MTX2: variants seen among roughly 807,000 people sequenced by gnomAD.
MTX2 encodes metaxin 2.
MTX2 carries 35 observed loss-of-function variants against 42.3 expected under a neutral mutation model. The observed-to-expected ratio is 0.83, with a 90% confidence interval of 0.63 to 1.10. The LOEUF is 1.10. MTX2 is among the 50% of genes least tolerant of loss of function. The pLI is 0.00. For synonymous variants in MTX2, 119 were observed against 100.9 expected, an observed-to-expected ratio of 1.18 and a Z score of -1.08; for missense variants, 307 against 304.1, an observed-to-expected ratio of 1.01 and a Z score of -0.07.
chr2:176,278,904 AAC>A (rs1693013558), intron 1 of MTX2, among the ~76,000 whole-genome samples: 1 of 152,126 alleles, frequency 6.6e-6, no homozygotes, highest in Non-Finnish European at 1.5e-5. Context: ...TCTATTCTTG[AAC>A]ACTTTTCTTA....
intron 1 of MTX2, among the ~76,000 whole-genome samples, chr2:176,295,779 T>G (rs1683857174): frequency 6.6e-6 from 1 of 152,128 alleles, no homozygotes; most frequent in Non-Finnish European, 1.5e-5. Context: ...ATGATCAGTC[T>G]TAAGAAAAAA....
At chr2:176,274,738 C>A (rs1558921972) in intron 1 of MTX2, among the ~76,000 whole-genome samples, 1 of 152,060 alleles carries the variant, frequency 6.6e-6, no homozygotes, top group Non-Finnish European at 1.5e-5. Flanking sequence ...GACTTAGACC[C>A]TTTTTTAAAG....
At chr2:176,287,458 G>A (rs1558927205) in intron 1 of MTX2, among the ~76,000 whole-genome samples, 1 of 152,092 alleles carries the variant, frequency 6.6e-6, no homozygotes, top group Non-Finnish European at 1.5e-5. Context: ...GAAGTGTTTT[G>A]GATGTTTGAT....
At chr2:176,270,082 G>A in intron 1 of MTX2, 1 of 325,890 alleles carries the variant, frequency 3.1e-6, no homozygotes, top group Admixed American at 4.6e-5. Context: ...TCACTAATCA[G>A]TTGTTACCTA....
At chr2:176,318,843 G>A (rs1684507600) in intron 3 of MTX2, among the ~76,000 whole-genome samples, 2 of 152,190 alleles carry the variant, frequency 1.3e-5, no homozygotes, top group Non-Finnish European at 2.9e-5. Flanking sequence ...GAAGATGGAA[G>A]TGTTCTAAAT....
At chr2:176,299,753 C>A (rs1039310869) in intron 3 of MTX2, among the ~76,000 whole-genome samples, 1 of 151,926 alleles carries the variant, frequency 6.6e-6, no homozygotes, top group African/African-American at 2.4e-5. Context: ...CAGTTAAAGG[C>A]CTACATTTGA....
At chr2:176,300,063 G>T (rs963775376) in intron 3 of MTX2, among the ~76,000 whole-genome samples, 1 of 151,732 alleles carries the variant, frequency 6.6e-6, no homozygotes, top group East Asian at 1.9e-4. Context: ...TGAAGTATTA[G>T]TATAGCATGT....
At chr2:176,291,337 TAAC>T (rs1248859849) in intron 1 of MTX2, among the ~76,000 whole-genome samples, 1 of 152,162 alleles carries the variant, frequency 6.6e-6, no homozygotes, top group East Asian at 1.9e-4. Context: ...TACAGAGTAA[TAAC>T]AACAATGATG....
intron 8 of MTX2, among the ~76,000 whole-genome samples, chr2:176,329,939 G>T (rs1193810326): frequency 6.7e-6 from 1 of 150,248 alleles, no homozygotes; most frequent in Non-Finnish European, 1.5e-5. Context: ...CTATATTTTT[G>T]CTACTAAAGT....
intron 9 of MTX2, among the ~76,000 whole-genome samples, chr2:176,334,299 C>G (rs1575064919): frequency 6.6e-6 from 1 of 151,682 alleles, no homozygotes; most frequent in Admixed American, 6.6e-5. Flanking sequence ...TTTTTAGGCT[C>G]TAGTACAAGA....
chr2:176,337,216 A>G (rs1305762461), intron 9 of MTX2, among the ~76,000 whole-genome samples: 1 of 152,090 alleles, frequency 6.6e-6, no homozygotes, highest in East Asian at 1.9e-4. Flanking sequence ...TAATTTTTGT[A>G]TTTTTTGTAG....
intron 3 of MTX2, among the ~76,000 whole-genome samples, chr2:176,309,506 A>T (rs188549929): frequency 6.6e-6 from 1 of 152,096 alleles, no homozygotes; most frequent in East Asian, 1.9e-4. Flanking sequence ...AAAGTATCCC[A>T]TTATTATTGT....
At chr2:176,334,071 T>C (rs984518237) in intron 9 of MTX2, among the ~76,000 whole-genome samples, 2 of 151,842 alleles carry the variant, frequency 1.3e-5, no homozygotes, top group Non-Finnish European at 3.0e-5. Context: ...GCTGTCTTTA[T>C]GTAAAATCAG....
chr2:176,332,622 A>G (rs772883669), intron 9 of MTX2, among the ~76,000 whole-genome samples: 1 of 151,382 alleles, frequency 6.6e-6, no homozygotes, highest in Non-Finnish European at 1.5e-5. Context: ...GGAAAAGGGT[A>G]GTTAAGGGAG....
intron 9 of MTX2, among the ~76,000 whole-genome samples, chr2:176,334,572 A>T (rs576951378): frequency 4.4e-4 from 67 of 151,318 alleles, no homozygotes; most frequent in African/African-American, 7.3e-4. Flanking sequence ...TTTTTTTTTT[A>T]AAACTATACT....
intron 3 of MTX2, among the ~76,000 whole-genome samples, chr2:176,312,200 A>C (rs1226203267): frequency 6.6e-6 from 1 of 152,192 alleles, no homozygotes; most frequent in Non-Finnish European, 1.5e-5. Flanking sequence ...GAACCCATAA[A>C]ATTACAAAAT....
At chr2:176,291,281 C>A (rs1211124386) in intron 1 of MTX2, among the ~76,000 whole-genome samples, 1 of 151,838 alleles carries the variant, frequency 6.6e-6, no homozygotes, top group Non-Finnish European at 1.5e-5. Context: ...TTATGTTTTG[C>A]CATGAATTTT....
At chr2:176,311,316 G>A (rs1280546674) in intron 3 of MTX2, among the ~76,000 whole-genome samples, 4 of 152,098 alleles carry the variant, frequency 2.6e-5, no homozygotes, top group Non-Finnish European at 5.9e-5. Flanking sequence ...GTGTCTTTCG[G>A]CCCTTACTGG....
chr2:176,311,980 C>T (rs144551576), intron 3 of MTX2, among the ~76,000 whole-genome samples: 258 of 152,286 alleles, frequency 1.7e-3, no homozygotes, highest in African/African-American at 5.4e-3. Flanking sequence ...CCATCTTCTG[C>T]GTTGATCATG....
Sources: allele counts gnomAD v4.1 joint callset (sites outside exome capture counted in the v4.1 genomes callset), GRCh38; gene constraint gnomAD v4.1.1; transcripts MANE v1.5; gene names NCBI Gene and HGNC (gene_info 2026-07-23, HGNC 2026-07-21).